DMD: variants seen among roughly 807,000 people sequenced by gnomAD.
DMD encodes the protein mutant dystrophin.
DMD carries 63 observed loss-of-function variants against 330.1 expected under a neutral mutation model. That is an observed-to-expected ratio of 0.19 (90% CI 0.16 to 0.24). The LOEUF (loss-of-function observed/expected upper bound fraction) is 0.24. Ranked by LOEUF, DMD falls within the 10% of genes least tolerant of loss-of-function variation. The pLI, the probability that DMD is intolerant of heterozygous loss-of-function variation, is 1.00. For missense variants in DMD, 3,344 were observed against 2,684.1 expected (o/e 1.25, Z -5.43); for synonymous variants, 1,223 against 959.8 (o/e 1.27, Z -5.07).
At position 33,156,564 on chromosome X, in the gene DMD, A is replaced by T. The variant is rs186001868; in HGVS notation, c.31+54718T>A. On this transcript the variant is annotated intron_variant, in intron 1 of 78. Coordinates refer to ENST00000357033, the MANE Select transcript of DMD (RefSeq NM_004006.3). ...AGGAAGATTTATTGGGGGAGATAAA[A>T]CTTTGAAGATAAGCAAGAGAGCCAG... 2.9e-3 allele frequency among the ~76,000 whole-genome samples: 324 copies of T among 111,976 alleles called. 1 individual carries two copies. The highest frequency in any genetic ancestry group is 9.8e-3 in the African/African-American group (302 of 30,768).
intron 41 of DMD, among the ~76,000 whole-genome samples, chrX:32,312,385 T>C (rs2097565838): frequency 2.7e-5 from 3 of 111,402 alleles, no homozygotes; most frequent in African/African-American, 9.8e-5. Context: ...TTACTTTCAT[T>C]TGAGATGCTC....
chrX:31,448,402 T>C (rs1347918788), intron 59 of DMD, among the ~76,000 whole-genome samples: 4 of 112,143 alleles, frequency 3.6e-5, no homozygotes, highest in Non-Finnish European at 7.5e-5. Flanking sequence ...CCCAGCAGCA[T>C]ACATAACAAG....
chrX:31,561,114 G>A (rs904602766), intron 55 of DMD, among the ~76,000 whole-genome samples: 8 of 112,053 alleles, frequency 7.1e-5, no homozygotes, highest in Non-Finnish European at 1.3e-4. Context: ...GCCACATACT[G>A]TCTAACAAGT....
chrX:32,472,294 G>A lies in DMD; in HGVS notation c.2819C>T (p.Pro940Leu). 1 of 1,210,403 alleles carries A rather than the reference G, an allele frequency of 8.3e-7. No homozygotes were observed. ...KELQTIFDTLPPMRYQETMSA... is the reference protein window; with the variant it reads ...KELQTIFDTLLPMRYQETMSA... ...CATGGTCTCCTGATAGCGCATTGGT[G>A]GCAAAGTGTCAAAAACTTTATCAAA... Residue 940 changes from proline (P) to leucine (L), a missense_variant, in exon 22 of 79, where the codon CCA becomes CTA. Transcript: ENST00000357033.
chrX:31,715,182 C>T (rs1365570099), intron 52 of DMD, among the ~76,000 whole-genome samples: 2 of 105,131 alleles, frequency 1.9e-5, no homozygotes, highest in Non-Finnish European at 3.9e-5. Context: ...TATTAAAAAA[C>T]CCTAATCCAA....
Position 32,394,920 on chromosome X carries a change from A to AC in DMD, c.4234-4740_4234-4739insG, listed in dbSNP as rs375583538. Among the ~76,000 whole-genome samples the AC allele has an allele frequency of 5.1e-3, 306 of 60,369 alleles. 7 individuals are homozygous for AC. Among genetic ancestry groups the AC allele is most frequent in the Non-Finnish European group, 8.0e-3 (254 of 31,579 alleles). The allele number at this position is 60,369 out of a possible 115,157, so 52.4% of individuals were successfully genotyped here. A position where few individuals can be genotyped will look rare whatever the true frequency, so the allele number is the denominator to read the frequency against. On this transcript the variant is annotated intron_variant, in intron 30 of 78. Transcript: ENST00000357033. ...GAAGAGCAAAAAACAAAAAAACAAA[A>AC]AAAAAAAAAAAAAGAAAAGAAATCA... is the stretch of plus-strand genomic sequence containing the variant.
chrX:31,680,637 C>T (rs1046869302), intron 52 of DMD, among the ~76,000 whole-genome samples: 5 of 110,462 alleles, frequency 4.5e-5, no homozygotes, highest in South Asian at 3.9e-4. Context: ...CTCGGCCTCC[C>T]AAAGTGCTGG....
At chrX:32,050,987 TC>T (rs35739910) in intron 44 of DMD, among the ~76,000 whole-genome samples, 15,287 of 99,183 alleles carry the variant, frequency 0.15, 1,585 homozygotes, top group East Asian at 0.2. Context: ...TTTTTTTTTT[TC>T]CCCCTAATAG....
At chrX:33,138,781 C>T (rs763534652) in intron 1 of DMD, among the ~76,000 whole-genome samples, 55 of 110,967 alleles carry the variant, frequency 5.0e-4, no homozygotes, top group African/African-American at 1.7e-3. Flanking sequence ...TTTACTGGTA[C>T]TTATAACAGT....
At chrX:31,361,376 A>G (rs1227586482) in intron 60 of DMD, among the ~76,000 whole-genome samples, 2 of 111,658 alleles carry the variant, frequency 1.8e-5, no homozygotes, top group African/African-American at 6.5e-5. Flanking sequence ...GATGGCAAAG[A>G]TGGGACATGA....
At chrX:33,257,271 A>G (rs1285710240) in intron 1 of DMD, among the ~76,000 whole-genome samples, 1 of 111,274 alleles carries the variant, frequency 9.0e-6, no homozygotes, top group African/African-American at 3.2e-5. Flanking sequence ...GTTGATTGCA[A>G]AGACCATTCT....
chrX:31,284,437 A>G (rs1208534196), intron 62 of DMD, among the ~76,000 whole-genome samples: 1 of 111,434 alleles, frequency 9.0e-6, no homozygotes, highest in Non-Finnish European at 1.9e-5. Context: ...GGCATTTAGT[A>G]TATGTTGAGC....
chrX:32,456,606 G>GTGTA (rs1260272309), intron 25 of DMD, among the ~76,000 whole-genome samples: 1 of 102,761 alleles, frequency 9.7e-6, no homozygotes, highest in African/African-American at 3.7e-5. Context: ...GTGTGTGTGT[G>GTGTA]TGTGTGTGTG....
intron 62 of DMD, among the ~76,000 whole-genome samples, chrX:31,292,955 T>C (rs748032977): frequency 2.3e-4 from 26 of 110,822 alleles, no homozygotes; most frequent in Non-Finnish European, 4.3e-4. Flanking sequence ...GAGGGAGGAA[T>C]AGTGATTGGG....
chrX:32,698,646 A>C (rs762), intron 8 of DMD, among the ~76,000 whole-genome samples: 55,666 of 110,545 alleles, frequency 0.5, 11,860 homozygotes, highest in African/African-American at 0.83. Flanking sequence ...ATAGTTTAAA[A>C]CACTTTTCTA....
rs189802129 is a variant in DMD, at chrX:32,122,657, C to T, written c.6438+94259G>A. On this transcript the variant is annotated intron_variant, in intron 44 of 78. Coordinates refer to ENST00000357033, the MANE Select transcript of DMD (RefSeq NM_004006.3). ...TGAGATCATCTTGAGCTCCCCGTCA[C>T]AGCACAGTGCCTGCAACAGAACTGA... Among the ~76,000 whole-genome samples the T allele has an allele frequency of 1.7e-3, 189 of 111,555 alleles. 2 individuals carry two copies. The highest frequency in any genetic ancestry group is 5.8e-3 in the African/African-American group (178 of 30,684).
chrX:32,293,340 G>T (rs983229417), intron 42 of DMD, among the ~76,000 whole-genome samples: 9 of 111,978 alleles, frequency 8.0e-5, no homozygotes, highest in African/African-American at 2.9e-4. Context: ...GTAGCATAAA[G>T]ATGAACCTAT....
intron 1 of DMD, among the ~76,000 whole-genome samples, chrX:33,223,467 A>G (rs2052227118): frequency 8.9e-6 from 1 of 112,414 alleles, no homozygotes; most frequent in Admixed American, 9.4e-5. Flanking sequence ...CCAGGAATAA[A>G]CCCACATAAA....
At chrX:31,586,328 C>T (rs756365034) in intron 55 of DMD, among the ~76,000 whole-genome samples, 1 of 112,249 alleles carries the variant, frequency 8.9e-6, no homozygotes, top group South Asian at 3.7e-4. Flanking sequence ...CTGAAGAGAA[C>T]GTGGACTAAC....
Sources: allele counts gnomAD v4.1 joint callset (sites outside exome capture counted in the v4.1 genomes callset), GRCh38; gene constraint gnomAD v4.1.1; transcripts MANE v1.5; gene names NCBI Gene and HGNC (gene_info 2026-07-23, HGNC 2026-07-21).